Variants in LIPA observed in about 807,000 individuals in gnomAD.
LIPA encodes the protein lipase A, lysosomal acid type.
In LIPA, 26 loss-of-function variants were observed where a neutral mutation model predicts 40.6. The ratio of observed to expected loss-of-function variants is 0.64; its 90% CI spans 0.47 to 0.89. The LOEUF (loss-of-function observed/expected upper bound fraction) is 0.89. LIPA is among the 40% of genes least tolerant of loss of function. The probability of loss-of-function intolerance (pLI) is 0.00; values close to 1 mark genes in which losing one functional copy is unlikely to be tolerated. For missense variants in LIPA, 455 were observed against 479.6 expected (o/e 0.95, Z 0.48); for synonymous variants, 188 against 168.4 (o/e 1.12, Z -0.90).
intron 2 of LIPA, among the ~76,000 whole-genome samples, chr10:89,351,172 G>A (rs1346460770): frequency 2.0e-5 from 3 of 152,048 alleles, no homozygotes; most frequent in Admixed American, 1.3e-4. Flanking sequence ...AAAAATTAGC[G>A]AGGTGTGGTG....
chr10:89,287,532 C>T (rs1162328311), intron 1 of LIPA, among the ~76,000 whole-genome samples: 1 of 152,122 alleles, frequency 6.6e-6, no homozygotes, highest in Non-Finnish European at 1.5e-5. Context: ...CACCCTTCTT[C>T]CCAACCCAAA....
intron 1 of LIPA, among the ~76,000 whole-genome samples, chr10:89,264,159 G>T (rs967394969): frequency 6.6e-6 from 1 of 152,102 alleles, no homozygotes; most frequent in African/African-American, 2.4e-5. Context: ...ATGGCAAGCA[G>T]GGGGGGTGGT....
chr10:89,311,863 C>T (rs531364743), intron 1 of LIPA, among the ~76,000 whole-genome samples: 1 of 152,168 alleles, frequency 6.6e-6, no homozygotes, highest in East Asian at 1.9e-4. Flanking sequence ...TGAGTGCATG[C>T]ATATATTTCC....
intron 1 of LIPA, among the ~76,000 whole-genome samples, chr10:89,323,788 A>T (rs1301125341): frequency 6.6e-6 from 1 of 152,260 alleles, no homozygotes; most frequent in Admixed American, 6.5e-5. Context: ...ATCAGAGATG[A>T]CACAAACAAA....
At chr10:89,390,629 C>T (rs1190795707) in intron 2 of LIPA, among the ~76,000 whole-genome samples, 1 of 152,124 alleles carries the variant, frequency 6.6e-6, no homozygotes, top group Non-Finnish European at 1.5e-5. Flanking sequence ...CACACGCGCG[C>T]GATTGGCTTT....
chr10:89,402,975 G>A (rs1321296852), intron 2 of LIPA: 2 of 1,613,964 alleles, frequency 1.2e-6, no homozygotes, highest in East Asian at 4.5e-5. Context: ...AGGACAGGAA[G>A]CTGAAGGAGA....
At chr10:89,334,176 G>C (rs1254257825) in intron 1 of LIPA, among the ~76,000 whole-genome samples, 2 of 152,252 alleles carry the variant, frequency 1.3e-5, no homozygotes, top group Non-Finnish European at 2.9e-5. Context: ...CTGGGAAGGA[G>C]ATGTGGTATC....
intron 2 of LIPA, chr10:89,378,142 TAAA>T: frequency 1.2e-6 from 2 of 1,613,986 alleles, no homozygotes; most frequent in Non-Finnish European, 1.7e-6. Flanking sequence ...CACCATGAGG[TAAA>T]GTCTTTCTCT....
intron 1 of LIPA, among the ~76,000 whole-genome samples, chr10:89,289,793 A>G (rs991188476): frequency 6.6e-6 from 1 of 152,134 alleles, no homozygotes; most frequent in Non-Finnish European, 1.5e-5. Context: ...ATGAAGTCCT[A>G]TTCTTTACTT....
chr10:89,223,767 C>A lies in LIPA; in HGVS notation c.739G>T (p.Val247Phe). Reference sequence around the variant, plus strand: ...TCCTTCAGTATGACATGAGTGCAAACGTGGGTACCCAGCCACTTCAAAAAC... The same window carrying A: ...TCCTTCAGTATGACATGAGTGCAAAAGTGGGTACCCAGCCACTTCAAAAAC... ...SAFLKWLGTH[V>F]CTHVILKELC... Residue 247 changes from valine (V) to phenylalanine (F), a missense_variant, in exon 7 of 10, where the codon GTT (valine) becomes TTT (phenylalanine). Val to Phe is a conservative substitution (Grantham distance 50, BLOSUM62 -1). Transcript: ENST00000336233. 6.2e-7 allele frequency: 1 copy of A among 1,613,732 alleles called. No individual in the cohort carries two copies. The highest frequency in any genetic ancestry group is 8.5e-7 in the Non-Finnish European group (1 of 1,179,708).
At chr10:89,385,041 G>A (rs1204771477) in intron 2 of LIPA, 1 of 288,334 alleles carries the variant, frequency 3.5e-6, no homozygotes, top group African/African-American at 2.2e-5. Flanking sequence ...GCTATAACGT[G>A]TGTACTGACC....
intron 1 of LIPA, among the ~76,000 whole-genome samples, chr10:89,286,103 A>T (rs796403338): frequency 1.3e-5 from 2 of 152,010 alleles, no homozygotes; most frequent in South Asian, 4.2e-4. Flanking sequence ...CCATCCTACA[A>T]CACCTAGATA....
At position 89,316,606 on chromosome 10, in the gene LIPA, G is replaced by T. The variant is rs527400393; in HGVS notation, c.-2+26005C>A. Among the ~76,000 whole-genome samples, 14 of 152,360 alleles carry T rather than the reference G, an allele frequency of 9.2e-5. No individual in the cohort carries two copies. In the East Asian group the frequency reaches 2.7e-3, roughly 29 times the overall value. ...GGTGGAGCCCACCACAGCTCAAGGAGGCCTGCCTGCCTCTATAGACTCCAC... is the reference window on the plus strand; with the variant it reads ...GGTGGAGCCCACCACAGCTCAAGGATGCCTGCCTGCCTCTATAGACTCCAC... On this transcript the variant is annotated intron_variant, in intron 1 of 5. Coordinates refer to the LIPA transcript ENST00000282673.
chr10:89,236,122 C>G (rs1177949738), intron 3 of LIPA, among the ~76,000 whole-genome samples: 1 of 151,960 alleles, frequency 6.6e-6, no homozygotes, highest in South Asian at 2.1e-4. Flanking sequence ...TAGATATTGG[C>G]CTTTTTTATT....
At chr10:89,273,919 T>C (rs1466435333) in intron 1 of LIPA, among the ~76,000 whole-genome samples, 1 of 152,236 alleles carries the variant, frequency 6.6e-6, no homozygotes, top group Non-Finnish European at 1.5e-5. Flanking sequence ...ATTTGTATTG[T>C]CTATGACTGC....
chr10:89,367,746 T>C (rs994496244), intron 2 of LIPA, among the ~76,000 whole-genome samples: 6 of 152,184 alleles, frequency 3.9e-5, no homozygotes, highest in Non-Finnish European at 8.8e-5. Flanking sequence ...TGAGCGTTTG[T>C]GTGTGTATTT....
chr10:89,286,411 A>T (rs1361020972), intron 1 of LIPA, among the ~76,000 whole-genome samples: 3 of 149,128 alleles, frequency 2.0e-5, no homozygotes, highest in Non-Finnish European at 4.5e-5. Context: ...TCCTTCTATC[A>T]CCTCCCCTCC....
At chr10:89,323,851 C>T (rs766269404) in intron 1 of LIPA, among the ~76,000 whole-genome samples, 5 of 152,098 alleles carry the variant, frequency 3.3e-5, no homozygotes, top group Admixed American at 1.3e-4. Context: ...GCCATACTAC[C>T]CAAAGCAATT....
chr10:89,342,669 CA>C (rs1347453692), exon 1 of LIPA: 1 of 152,200 alleles, frequency 6.6e-6, no homozygotes, highest in African/African-American at 2.4e-5. Flanking sequence ...CATCTTTGTA[CA>C]GCTCAGTTTC....
Sources: allele counts gnomAD v4.1 joint callset (sites outside exome capture counted in the v4.1 genomes callset), GRCh38; gene constraint gnomAD v4.1.1; transcripts MANE v1.5; gene names NCBI Gene and HGNC (gene_info 2026-07-23, HGNC 2026-07-21).